EXOC6: variants seen among roughly 807,000 people sequenced by gnomAD.
EXOC6 encodes the protein exocyst complex component 6, also known as SEC15-like 1.
Under a neutral mutation model 112.5 loss-of-function variants are expected in EXOC6, and 60 were observed. That is an observed-to-expected ratio of 0.53 (90% CI 0.43 to 0.66). EXOC6 has a LOEUF of 0.66. EXOC6 is among the 30% of genes least tolerant of loss of function. The pLI is 0.00. For synonymous variants in EXOC6, 295 were observed against 308.0 expected (o/e 0.96, Z 0.44); for missense variants, 855 against 957.1 (o/e 0.89, Z 1.41).
At chr10:92,987,647 G>A (rs1177355457) in intron 18 of EXOC6, 2 of 983,922 alleles carry the variant, frequency 2.0e-6, no homozygotes, top group Non-Finnish European at 2.4e-6. Flanking sequence ...ATGTCGGTAA[G>A]TAGATATAAA....
rs548925042 is a variant in EXOC6, at chr10:92,969,171, A to G, written c.1774-4882A>G. On this transcript the variant is annotated intron_variant, in intron 17 of 21. Transcript: ENST00000260762. ...TGCCTTTATTCCAAGCATGGAGCAC[A>G]CATGCTTGGAGCCCTGTGCTGCCAT... 8.5e-5 allele frequency among the ~76,000 whole-genome samples: 13 copies of G among 152,242 alleles called. No homozygotes were observed. The South Asian group carries it at 2.7e-3, about 32-fold the overall frequency.
At chr10:93,000,864 A>G (rs1843728395) in intron 19 of EXOC6, among the ~76,000 whole-genome samples, 1 of 152,204 alleles carries the variant, frequency 6.6e-6, no homozygotes, top group Non-Finnish European at 1.5e-5. Context: ...CAAAAAAACC[A>G]TCCACCCCTC....
rs373696846 is a variant in EXOC6, at chr10:92,899,586, T to C, written c.413-13T>C. On this transcript the variant is annotated splice_polypyrimidine_tract_variant and intron_variant, in intron 4 of 21. Transcript: ENST00000260762. ...TCATTTTGAAAGCTAAAATGTTATA[T>C]TTTTTAATGCAGTGCTAGAAATGTA... 2.4e-5 allele frequency: 37 copies of C among 1,564,568 alleles called. No homozygotes were observed. The highest frequency in any genetic ancestry group is 4.1e-5 in the African/African-American group (3 of 72,916).
At chr10:93,024,724 T>G (rs114865516) in intron 20 of EXOC6, among the ~76,000 whole-genome samples, 1 of 152,178 alleles carries the variant, frequency 6.6e-6, no homozygotes, top group Non-Finnish European at 1.5e-5. Flanking sequence ...GGCCTTTTAT[T>G]AGAATTTTAA....
chr10:92,972,502 AT>A (rs200793986), intron 17 of EXOC6, among the ~76,000 whole-genome samples: 1,768 of 152,066 alleles, frequency 0.012, 110 homozygotes, highest in Admixed American at 0.1. Context: ...AAAAGGTGGA[AT>A]TTTTTTTGGA....
At chr10:93,031,116 C>A (rs527937824) in intron 20 of EXOC6, among the ~76,000 whole-genome samples, 1 of 152,240 alleles carries the variant, frequency 6.6e-6, no homozygotes, top group South Asian at 2.1e-4. Flanking sequence ...GGTAGAGGAA[C>A]AAAAGCTACT....
At chr10:92,869,488 C>T (rs1015639038) in intron 1 of EXOC6, among the ~76,000 whole-genome samples, 1 of 151,930 alleles carries the variant, frequency 6.6e-6, no homozygotes, top group Non-Finnish European at 1.5e-5. Flanking sequence ...TTTATTTTTC[C>T]TTGTAGAGGC....
chr10:92,926,052 T>TAAAAA (rs146789374), intron 8 of EXOC6, among the ~76,000 whole-genome samples: 1 of 139,742 alleles, frequency 7.2e-6, no homozygotes. Context: ...GTGGACTTTT[T>TAAAAA]AAAAAAAAAA....
chr10:92,858,797 G>T (rs1248786120), intron 1 of EXOC6, among the ~76,000 whole-genome samples: 1 of 151,952 alleles, frequency 6.6e-6, no homozygotes, highest in Non-Finnish European at 1.5e-5. Flanking sequence ...ACAGAGTCTT[G>T]CTCTGTCACC....
intron 20 of EXOC6, among the ~76,000 whole-genome samples, chr10:93,047,922 G>T (rs1458784301): frequency 6.6e-6 from 1 of 152,182 alleles, no homozygotes; most frequent in African/African-American, 2.4e-5. Flanking sequence ...CTCCAGCCTG[G>T]TGGACAGAGC....
intron 1 of EXOC6, among the ~76,000 whole-genome samples, chr10:92,873,299 T>TATTCA (rs1848535944): frequency 6.6e-6 from 1 of 152,210 alleles, no homozygotes; most frequent in East Asian, 1.9e-4. Flanking sequence ...GCTGTGCTGT[T>TATTCA]ATTCAAAATT....
chr10:92,854,535 C>G (rs1847507225), intron 1 of EXOC6, among the ~76,000 whole-genome samples: 2 of 151,808 alleles, frequency 1.3e-5, no homozygotes, highest in South Asian at 4.1e-4. Flanking sequence ...TGCTGTTTAT[C>G]AGGTTGAGGA....
chr10:93,045,861 C>G (rs1487895786), intron 20 of EXOC6, among the ~76,000 whole-genome samples: 1 of 152,198 alleles, frequency 6.6e-6, no homozygotes. Flanking sequence ...GGTGGCATCA[C>G]TAGTTTACAA....
chr10:93,033,728 CTTGT>C (rs958921935), intron 20 of EXOC6, among the ~76,000 whole-genome samples: 4 of 148,674 alleles, frequency 2.7e-5, no homozygotes, highest in Admixed American at 1.4e-4. Context: ...GATTTATTTG[CTTGT>C]TTATTTGTCA....
intron 1 of EXOC6, among the ~76,000 whole-genome samples, chr10:92,866,230 C>T (rs1848169750): frequency 1.3e-5 from 2 of 152,160 alleles, no homozygotes; most frequent in African/African-American, 2.4e-5. Context: ...TTATATTTCA[C>T]ATTAAAACAC....
chr10:92,880,657 A>T (rs1177323234), intron 1 of EXOC6, among the ~76,000 whole-genome samples: 1 of 151,796 alleles, frequency 6.6e-6, no homozygotes, highest in Admixed American at 6.6e-5. Context: ...ACCTTGTGTT[A>T]AAAAAAATGG....
At chr10:92,971,687 C>G (rs528745484) in intron 17 of EXOC6, among the ~76,000 whole-genome samples, 1 of 152,188 alleles carries the variant, frequency 6.6e-6, no homozygotes, top group South Asian at 2.1e-4. Flanking sequence ...TTAATAATTT[C>G]TATTTATATT....
At chr10:92,928,102 T>C (rs1851823167) in intron 8 of EXOC6, among the ~76,000 whole-genome samples, 1 of 152,338 alleles carries the variant, frequency 6.6e-6, no homozygotes, top group Admixed American at 6.5e-5. Context: ...GTAATAAGTT[T>C]GGTAGGTGTC....
chr10:92,829,725 C>T (rs1486164148), upstream of EXOC6, among the ~76,000 whole-genome samples: 1 of 152,156 alleles, frequency 6.6e-6, no homozygotes, highest in Non-Finnish European at 1.5e-5. Context: ...CATTCTGTCA[C>T]AGGATGAGAT....
Sources: allele counts gnomAD v4.1 joint callset (sites outside exome capture counted in the v4.1 genomes callset), GRCh38; gene constraint gnomAD v4.1.1; transcripts MANE v1.5; gene names NCBI Gene and HGNC (gene_info 2026-07-23, HGNC 2026-07-21).